The following COL1A2 variants were observed in gnomAD, a reference collection of about 807,000 sequenced individuals.
COL1A2 encodes collagen type I alpha 2 chain, also known as collagen alpha-2(I) chain.
COL1A2 carries 49 observed loss-of-function variants against 174.3 expected under a neutral mutation model. That is an observed-to-expected ratio of 0.28 (90% CI 0.22 to 0.36). COL1A2 has a LOEUF of 0.36. Among genes scored for constraint, COL1A2 ranks in the 10% least tolerant of loss-of-function variants. The probability of loss-of-function intolerance (pLI) is 1.00; values close to 1 mark genes in which losing one functional copy is unlikely to be tolerated. For synonymous variants in COL1A2, 655 were observed against 606.6 expected, an observed-to-expected ratio of 1.08 and a Z score of -1.17; for missense variants, 1,438 against 1,822.7, an observed-to-expected ratio of 0.79 and a Z score of 3.84.
intron 23 of COL1A2, among the ~76,000 whole-genome samples, 169 bp downstream of exon 23, chr7:94,411,323 T>C (rs1041528371): frequency 2.0e-5 from 3 of 152,220 alleles, no homozygotes; most frequent in African/African-American, 7.2e-5. Context: ...TTTTCATGCA[T>C]TTAATTAGTT....
At chr7:94,407,695 G>GAAA (rs1791830710) in intron 12 of COL1A2, 152 bp from the exon 13 acceptor site, 2 of 655,812 alleles carry the variant, frequency 3.0e-6, no homozygotes, top group East Asian at 5.8e-5. Context: ...TAAAATCTGT[G>GAAA]TGTCTGGCAT....
rs762106932 is a variant in COL1A2 at position 94,395,043 on chromosome 7, T to G, written c.12T>G (p.Phe4Leu). The change falls in exon 1 of 52, where the codon TTT (phenylalanine) becomes TTG (leucine). Residue 4 changes from phenylalanine to leucine, a missense_variant. This residue lies in a region of COL1A2 where 281 missense variants were observed against 310.9 expected (regional missense o/e 0.90). Coordinates refer to ENST00000297268, the MANE Select transcript of COL1A2 (RefSeq NM_000089.4). MLSFVDTRTLLLLA... is the reference protein window; with the variant it reads MLSLVDTRTLLLLA... ...TCTAAGTGCTAGACATGCTCAGCTT[T>G]GTGGATACGCGGACTTTGTTGCTGC... The G allele has an allele frequency of 6.2e-7, 1 of 1,613,932 alleles. No homozygotes were observed. The highest frequency in any genetic ancestry group is 1.7e-5 in the Admixed American group (1 of 60,028).
intron 45 of COL1A2, 36 bp from the exon 46 acceptor site, chr7:94,426,387 A>G (rs1792277825): frequency 1.3e-6 from 2 of 1,537,358 alleles, no homozygotes; most frequent in Non-Finnish European, 1.8e-6. Flanking sequence ...TTTTTTTAAA[A>G]CGGTAAGTCT....
rs752122944 is a variant in COL1A2, at chr7:94,409,828, G to T, written c.1035+7G>T. The T allele has an allele frequency of 6.2e-7, 1 of 1,613,596 alleles. No individual in the cohort carries two copies. Among genetic ancestry groups the T allele is most frequent in the Non-Finnish European group, 8.5e-7 (1 of 1,179,638 alleles). On this transcript the variant is annotated splice_region_variant and intron_variant, in intron 19 of 51. Transcript: ENST00000297268. ...TGGTGCCAGAGGACTTGTTGTAAGT[G>T]GTCATGACTGTGGTTCTCATCATCC...
rs1584332014 is a variant in COL1A2 at position 94,428,409 on chromosome 7, A to G, written c.3643A>G (p.Asn1215Asp). The G allele has an allele frequency of 1.2e-6, 2 of 1,614,124 alleles. No homozygotes were observed. Among genetic ancestry groups the G allele is most frequent in the Non-Finnish European group, 1.7e-6 (2 of 1,179,996 alleles). ...RAQPENIPAK[N>D]WYRSSKDKKH... ...CCAACCTGAAAACATCCCAGCCAAG[A>G]ACTGGTATAGGAGCTCCAAGGACAA... Residue 1215 changes from asparagine (N) to aspartate (D), a missense_variant, in exon 50 of 52, where the codon AAC (asparagine) becomes GAC (aspartate). Transcript: ENST00000297268.
intron 49 of COL1A2, 47 bp downstream of exon 49, chr7:94,427,932 CT>C: frequency 6.2e-7 from 1 of 1,603,906 alleles, no homozygotes; most frequent in Non-Finnish European, 8.5e-7. Flanking sequence ...ACAAGTTGAG[CT>C]TTTCAAAATT....
At chr7:94,400,088 C>A in intron 4 of COL1A2, 108 bp from the exon 5 acceptor site, 1 of 978,698 alleles carries the variant, frequency 1.0e-6, no homozygotes, top group Non-Finnish European at 1.7e-6. Context: ...ATTAAATTTC[C>A]ACCCTACTTG....
rs148639088 is a variant in COL1A2 at position 94,400,201 on chromosome 7, A to C, written c.138A>C (p.Pro46=). ...GDRGPRGERG[P]PGPPGRDGED... is the part of the protein sequence containing the mutation. ...ACTCACTTTTTACATAACAGGGTCC[A>C]CCAGGCCCCCCAGGCAGAGATGGTG... Residue 46 remains proline, a synonymous_variant, in exon 5 of 52, where the codon CCA becomes CCC. Coordinates refer to ENST00000297268, the MANE Select transcript of COL1A2 (RefSeq NM_000089.4). 4.2e-5 allele frequency: 67 copies of C among 1,613,406 alleles called. 1 individual carries two copies. In the African/African-American group the frequency reaches 8.2e-4, roughly 20 times the overall value.
At chr7:94,408,042 A>T in intron 13 of COL1A2, 141 bp from the exon 14 acceptor site, 1 of 1,165,208 alleles carries the variant, frequency 8.6e-7, no homozygotes, top group Non-Finnish European at 1.3e-6. Flanking sequence ...GAAATCCACT[A>T]CTGTTTAGTT....
At chr7:94,406,889 G>A (rs563056778) in intron 12 of COL1A2, among the ~76,000 whole-genome samples, 12 of 152,222 alleles carry the variant, frequency 7.9e-5, no homozygotes, top group African/African-American at 2.2e-4. Flanking sequence ...GAATACCAAC[G>A]TAATTACAAA....
intron 12 of COL1A2, among the ~76,000 whole-genome samples, chr7:94,407,227 C>T (rs1791821496): frequency 2.0e-5 from 3 of 152,150 alleles, no homozygotes; most frequent in Admixed American, 6.5e-5. Flanking sequence ...ATAGACTTCA[C>T]ATAGAATCCT....
chr7:94,400,551 T>C (rs1791669134), intron 5 of COL1A2, among the ~76,000 whole-genome samples: 1 of 152,190 alleles, frequency 6.6e-6, no homozygotes, highest in African/African-American at 2.4e-5. Flanking sequence ...TTTAATATCT[T>C]TTATTAGTAA....
chr7:94,425,422 T>A (rs1792252547), intron 42 of COL1A2, 188 bp from the exon 43 acceptor site: 1 of 821,436 alleles, frequency 1.2e-6, no homozygotes, highest in Non-Finnish European at 2.0e-6. Flanking sequence ...ACTGCAAAAC[T>A]GGGCCCAAGT....
chr7:94,417,729 A>T lies in COL1A2; in HGVS notation c.1869A>T (p.Glu623Asp). 6.3e-7 allele frequency: 1 copy of T among 1,590,842 alleles called. No individual in the cohort carries two copies. The highest frequency in any genetic ancestry group is 8.6e-7 in the Non-Finnish European group (1 of 1,167,758). ...GPPGPDGNKG[E>D]PGVVGAVGTA... ...TCACATGTGTTTGACTCAAGGGTGA[A>T]CCTGGTGTGGTTGGTGCTGTGGGCA... The change falls in exon 32 of 52, where the codon GAA becomes GAT. Residue 623 changes from glutamate to aspartate, a missense_variant. Physicochemically the swap from Glu to Asp is conservative, Grantham distance 45 (BLOSUM62 2). This residue lies in a region of COL1A2 where 867 missense variants were observed against 1,213.7 expected (regional missense o/e 0.71). Coordinates refer to ENST00000297268, the MANE Select transcript of COL1A2 (RefSeq NM_000089.4).
intron 39 of COL1A2, 140 bp from the exon 40 acceptor site, chr7:94,422,816 TA>T: frequency 9.3e-7 from 1 of 1,075,976 alleles, no homozygotes; most frequent in Non-Finnish European, 1.4e-6. Context: ...GGTTAAAAAC[TA>T]TAAATATTTC....
At chr7:94,420,174 C>T (rs1489840948) in intron 34 of COL1A2, 59 bp from the exon 35 acceptor site, 2 of 1,607,032 alleles carry the variant, frequency 1.2e-6, no homozygotes, top group Non-Finnish European at 1.7e-6. Flanking sequence ...CTCTCCCTCC[C>T]AGTTCTTTGA....
At chr7:94,404,795 A>C (rs1392553996) in intron 8 of COL1A2, 44 bp from the exon 9 acceptor site, 1 of 1,614,120 alleles carries the variant, frequency 6.2e-7, no homozygotes, top group South Asian at 1.1e-5. Flanking sequence ...CAGGAAGTTT[A>C]TGAATATAAC....
rs1437648908 is a variant in COL1A2 at position 94,425,808 on chromosome 7, C to T, written c.2894C>T (p.Pro965Leu). The change falls in exon 44 of 52, where the codon CCT becomes CTT. Residue 965 changes from proline to leucine, a missense_variant. By Grantham distance (98) the Pro-to-Leu change is moderately conservative (BLOSUM62 -3). This residue lies in a region of COL1A2 where 867 missense variants were observed against 1,213.7 expected (regional missense o/e 0.71). Coordinates refer to ENST00000297268, the MANE Select transcript of COL1A2 (RefSeq NM_000089.4). ...GPVGAAGAPG[P>L]HGPVGPAGKH... Reference sequence around the variant, plus strand: ...GTTGGTGCTGCAGGTGCACCTGGTCCTCATGGCCCCGTGGGTCCTGCTGGC... The same window carrying T: ...GTTGGTGCTGCAGGTGCACCTGGTCTTCATGGCCCCGTGGGTCCTGCTGGC... 1 of 1,612,806 alleles carries T rather than the reference C, an allele frequency of 6.2e-7. No homozygotes were observed. Among genetic ancestry groups the T allele is most frequent in the Admixed American group, 1.7e-5 (1 of 59,872 alleles).
rs1466732395 is a variant in COL1A2, at chr7:94,411,140, C to T, written c.1336C>T (p.Leu446Phe). The part of the protein sequence containing the change: ...GDAGRPGEPG[L>F]MGPRGLPGSP... ...TGCTGGTCGCCCTGGGGAGCCTGGT[C>T]TCATGGGACCCAGAGTAAGTTTCAA... is the stretch of plus-strand genomic sequence containing the variant. Residue 446 changes from leucine (L) to phenylalanine (F), a missense_variant, in exon 23 of 52, where the codon CTC (leucine) becomes TTC (phenylalanine). Leu to Phe is a conservative substitution (Grantham distance 22, BLOSUM62 0). Coordinates refer to ENST00000297268, the MANE Select transcript of COL1A2 (RefSeq NM_000089.4). 1 of 1,585,042 alleles carries T rather than the reference C, an allele frequency of 6.3e-7. No individual in the cohort carries two copies. The highest frequency in any genetic ancestry group is 8.6e-7 in the Non-Finnish European group (1 of 1,164,824).
Sources: allele counts gnomAD v4.1 joint callset (sites outside exome capture counted in the v4.1 genomes callset), GRCh38; gene constraint gnomAD v4.1.1; regional missense constraint gnomAD v4.1.1; transcripts MANE v1.5; gene names NCBI Gene and HGNC (gene_info 2026-07-23, HGNC 2026-07-21).